Variants in FAM114A1 observed in about 807,000 individuals in gnomAD.
The protein encoded by FAM114A1 is family with sequence similarity 114 member A1.
Under a neutral mutation model 64.3 loss-of-function variants are expected in FAM114A1, and 62 were observed. The ratio of observed to expected loss-of-function variants is 0.96; its 90% confidence interval spans 0.79 to 1.19. The LOEUF (loss-of-function observed/expected upper bound fraction) is 1.19. Among genes scored for constraint, FAM114A1 ranks in the 50% most tolerant of loss-of-function variants. The pLI, the probability that FAM114A1 is intolerant of heterozygous loss-of-function variation, is 0.00. For synonymous variants in FAM114A1, 254 were observed against 251.1 expected, an observed-to-expected ratio of 1.01 and a Z score of -0.11; for missense variants, 645 against 676.3, an observed-to-expected ratio of 0.95 and a Z score of 0.51.
intron 2 of FAM114A1, among the ~76,000 whole-genome samples, chr4:38,873,429 C>T (rs867856142): frequency 4.6e-5 from 7 of 152,312 alleles, no homozygotes; most frequent in Middle Eastern, 6.8e-3. Flanking sequence ...TGTTGAGCTT[C>T]CTACTATGCA....
At chr4:38,943,019 C>T (rs143561693) in intron 14 of FAM114A1, among the ~76,000 whole-genome samples, 15,820 of 151,958 alleles carry the variant, frequency 0.1, 2,704 homozygotes, top group African/African-American at 0.36. Context: ...TGGTGAAACC[C>T]TGTCTCTACT....
Position 38,922,816 on chromosome 4 carries a change from TA to T in FAM114A1, c.998del (p.Asn333MetfsTer3), listed in dbSNP as rs1445635647. 1.9e-6 allele frequency: 3 copies of T among 1,613,582 alleles called. No individual in the cohort carries two copies. Among genetic ancestry groups the T allele is most frequent in the East Asian group, 2.2e-5 (1 of 44,872 alleles). On this transcript the variant is annotated frameshift_variant, in exon 9 of 15. Coordinates refer to ENST00000358869, the MANE Select transcript of FAM114A1 (RefSeq NM_138389.4). LOFTEE classifies it high-confidence loss of function. ...CTTGATGGAGAGAAGCTGGAACTCTTAAAAAATGACCTAATTTCCATTAAAG... is the reference window on the plus strand; with the variant it reads ...CTTGATGGAGAGAAGCTGGAACTCTTAAAAATGACCTAATTTCCATTAAAG... The part of the protein sequence containing the change: ...ASLDGEKLEL[L>X]KNDLISIKDI...
At chr4:38,904,259 G>A (rs2109668243) in intron 4 of FAM114A1, among the ~76,000 whole-genome samples, 1 of 152,320 alleles carries the variant, frequency 6.6e-6, no homozygotes, top group Middle Eastern at 3.4e-3. Flanking sequence ...AAGTCAGACA[G>A]CCACTTTGGA....
At position 38,902,227 on chromosome 4, in the gene FAM114A1, A is replaced by G. The variant is rs549527283; in HGVS notation, c.437-3295A>G. 3.3e-5 allele frequency among the ~76,000 whole-genome samples: 5 copies of G among 152,336 alleles called. No individual in the cohort carries two copies. The East Asian group carries it at 9.6e-4, about 29-fold the overall frequency. On this transcript the variant is annotated intron_variant, in intron 4 of 14. Transcript: ENST00000358869. ...TCAGTTGTGAAATGAGTATACTAAT[A>G]TCCCTTACCTCATAAGATCATTGAG... is the stretch of plus-strand genomic sequence containing the variant.
intron 12 of FAM114A1, among the ~76,000 whole-genome samples, chr4:38,934,391 A>G (rs1320348892): frequency 6.6e-6 from 1 of 151,930 alleles, no homozygotes; most frequent in Non-Finnish European, 1.5e-5. Context: ...TCTGCAGACA[A>G]TTTTTGGATG....
intron 3 of FAM114A1, among the ~76,000 whole-genome samples, chr4:38,886,789 A>C (rs1345781247): frequency 6.6e-6 from 1 of 151,746 alleles, no homozygotes; most frequent in African/African-American, 2.4e-5. Context: ...TTAGCCGGGC[A>C]TGGTGGTGGG....
chr4:38,879,313 C>T (rs1036855048), intron 3 of FAM114A1, among the ~76,000 whole-genome samples: 7 of 152,184 alleles, frequency 4.6e-5, no homozygotes, highest in Non-Finnish European at 1.0e-4. Flanking sequence ...ACAGATCACC[C>T]CCTTGAGGTG....
At chr4:38,925,319 G>A (rs1720003037) in intron 9 of FAM114A1, among the ~76,000 whole-genome samples, 1 of 152,140 alleles carries the variant, frequency 6.6e-6, no homozygotes, top group South Asian at 2.1e-4. Context: ...GAAGAACTGG[G>A]AGAAAAGAAT....
chr4:38,908,695 C>T lies in FAM114A1; in HGVS notation c.761C>T (p.Thr254Met), dbSNP rs201588937. The T allele has an allele frequency of 5.0e-5, 81 of 1,612,474 alleles. No homozygotes were observed. In the East Asian group the frequency reaches 1.6e-3, roughly 32 times the overall value. ...GACCCGGGCTTTAAGCGGACCAAGACGCTCATGGAGAGAACTGTTTCCTTG... is the reference window on the plus strand; with the variant it reads ...GACCCGGGCTTTAAGCGGACCAAGATGCTCATGGAGAGAACTGTTTCCTTG... ...ESDPGFKRTKTLMERTVSLSQ... is the reference protein window; with the variant it reads ...ESDPGFKRTKMLMERTVSLSQ... Residue 254 changes from threonine (T) to methionine (M), a missense_variant, in exon 7 of 15, where the codon ACG (threonine) becomes ATG (methionine). Physicochemically the swap from Thr to Met is moderately conservative, Grantham distance 81 (BLOSUM62 -1). Transcript: ENST00000358869.
At position 38,894,876 on chromosome 4, in the gene FAM114A1, C is replaced by G. The variant is rs555609422; in HGVS notation, c.436+3046C>G. On this transcript the variant is annotated intron_variant, in intron 4 of 14. Transcript: ENST00000358869. Reference sequence around the variant, plus strand: ...TTACAGTTTCCGTGGGTCAAGAGTTCAGGTATGGGACAGCTGCTCATGTAA... The same window carrying G: ...TTACAGTTTCCGTGGGTCAAGAGTTGAGGTATGGGACAGCTGCTCATGTAA... 5.9e-5 allele frequency among the ~76,000 whole-genome samples: 9 copies of G among 152,278 alleles called. No individual in the cohort carries two copies. The South Asian group carries it at 1.7e-3, about 28-fold the overall frequency.
intron 4 of FAM114A1, among the ~76,000 whole-genome samples, chr4:38,895,042 C>T (rs1240470584): frequency 2.6e-5 from 4 of 152,162 alleles, no homozygotes; most frequent in Non-Finnish European, 5.9e-5. Flanking sequence ...GCTTGCCTCT[C>T]TCAATCCCAA....
intron 4 of FAM114A1, among the ~76,000 whole-genome samples, chr4:38,900,786 T>C (rs971290484): frequency 6.6e-6 from 1 of 152,188 alleles, no homozygotes; most frequent in African/African-American, 2.4e-5. Context: ...TGGGGAGTTA[T>C]TGTTTAAATG....
intron 3 of FAM114A1, among the ~76,000 whole-genome samples, chr4:38,880,913 G>C (rs183068954): frequency 6.6e-6 from 1 of 152,172 alleles, no homozygotes; most frequent in Non-Finnish European, 1.5e-5. Flanking sequence ...GGCCGGGCAC[G>C]GTGGCTCATG....
In FAM114A1 at chr4:38,891,810, C is replaced by A. The variant is rs572671558; in HGVS notation, c.416C>A (p.Ser139Ter). ...GGATCCTGGGGCAAATCTCTGCTGT[C>A]GTCAGCATCTGCCACAGTAGGTAAG... Reference protein sequence around the residue: ...GWGSWGKSLLSSASATVGHGL... With the variant: ...GWGSWGKSLL The change falls in exon 4 of 15, where the codon TCG (serine) becomes TAG (stop). Residue 139 changes from serine (S) to a stop codon, truncating the protein, a stop_gained. Transcript: ENST00000358869. LOFTEE classifies it high-confidence loss of function. 6.2e-7 allele frequency: 1 copy of A among 1,612,340 alleles called. No individual in the cohort carries two copies. Among genetic ancestry groups the A allele is most frequent in the South Asian group, 1.1e-5 (1 of 90,810 alleles).
Position 38,905,860 on chromosome 4 carries a change from C to T in FAM114A1, c.656C>T (p.Thr219Ile). The change falls in exon 6 of 15, where the codon ACA (threonine) becomes ATA (isoleucine). Residue 219 changes from threonine to isoleucine, a missense_variant and splice_region_variant. Coordinates refer to ENST00000358869, the MANE Select transcript of FAM114A1 (RefSeq NM_138389.4). ...GCCATCACCAATGTGGTTCAAAACA[C>T]AGTGAGTCGCTGGCTGCTTCCTCTC... The part of the protein sequence containing the change: ...LSAITNVVQN[T>I]GKSVLTGGLD... 1 of 1,608,798 alleles carries T rather than the reference C, an allele frequency of 6.2e-7. No individual in the cohort carries two copies. The highest frequency in any genetic ancestry group is 8.5e-7 in the Non-Finnish European group (1 of 1,178,582).
chr4:38,915,972 G>A (rs1218528232), intron 8 of FAM114A1, among the ~76,000 whole-genome samples: 1 of 152,188 alleles, frequency 6.6e-6, no homozygotes, highest in Non-Finnish European at 1.5e-5. Context: ...GAGAGGGAGG[G>A]GCCGTGGTGA....
chr4:38,929,355 G>T, intron 10 of FAM114A1, 22 bp downstream of exon 10: 1 of 1,561,382 alleles, frequency 6.4e-7, no homozygotes. Context: ...CTGATTTATA[G>T]TTTCTGGTTA....
chr4:38,920,478 A>C (rs546125948), intron 8 of FAM114A1, among the ~76,000 whole-genome samples: 1 of 152,182 alleles, frequency 6.6e-6, no homozygotes, highest in South Asian at 2.1e-4. Context: ...CCTTGGCATA[A>C]TGCAATGAGC....
intron 3 of FAM114A1, among the ~76,000 whole-genome samples, chr4:38,888,190 A>G (rs1106956): frequency 0.2 from 30,002 of 151,504 alleles, 3,152 homozygotes; most frequent in Middle Eastern, 0.4. Flanking sequence ...AGACCTTTAA[A>G]TGGGATACTA....
Sources: gnomAD v4.1 joint callset for allele counts (sites outside exome capture counted in the v4.1 genomes callset) on GRCh38, gnomAD v4.1.1 for gene constraint, MANE v1.5 for transcripts, NCBI Gene and HGNC (gene_info 2026-07-23, HGNC 2026-07-21) for gene names.